Variants in CACNA2D3 observed in about 807,000 individuals in gnomAD.
CACNA2D3 encodes calcium voltage-gated channel auxiliary subunit alpha2delta 3.
A neutral mutation model predicts 160.6 loss-of-function variants in CACNA2D3; 60 were observed. The observed-to-expected ratio is 0.37, with a 90% confidence interval of 0.30 to 0.46. CACNA2D3 has a LOEUF of 0.46. CACNA2D3 is among the 20% of genes least tolerant of loss of function. The pLI, the probability that CACNA2D3 is intolerant of heterozygous loss-of-function variation, is 1.00. For synonymous variants in CACNA2D3, 558 were observed against 492.9 expected, an observed-to-expected ratio of 1.13 and a Z score of -1.75; for missense variants, 1,205 against 1,365.0, an observed-to-expected ratio of 0.88 and a Z score of 1.85.
At chr3:54,250,343 G>T (rs1702163930) in intron 2 of CACNA2D3, among the ~76,000 whole-genome samples, 1 of 152,104 alleles carries the variant, frequency 6.6e-6, no homozygotes, top group African/African-American at 2.4e-5. Flanking sequence ...TCTGTTAAAT[G>T]GCTTGATTTA....
chr3:55,007,930 C>T (rs2107142731), intron 33 of CACNA2D3, 88 bp downstream of exon 33: 2 of 816,378 alleles, frequency 2.4e-6, no homozygotes, highest in Non-Finnish European at 3.7e-6. Context: ...TGAGTCATGC[C>T]TTCAATAACC....
intron 17 of CACNA2D3, among the ~76,000 whole-genome samples, chr3:54,856,200 G>A (rs1285156046): frequency 6.6e-6 from 1 of 152,062 alleles, no homozygotes. Context: ...GTAGGAAATC[G>A]AGCACACAAT....
intron 16 of CACNA2D3, among the ~76,000 whole-genome samples, chr3:54,839,836 C>T (rs1216392924): frequency 6.6e-6 from 1 of 152,168 alleles, no homozygotes; most frequent in Non-Finnish European, 1.5e-5. Context: ...TCCAATCCCT[C>T]GTTCCCCAGC....
At chr3:54,899,575 A>G (rs530586903) in intron 26 of CACNA2D3, among the ~76,000 whole-genome samples, 53 of 152,076 alleles carry the variant, frequency 3.5e-4, no homozygotes, top group African/African-American at 1.2e-3. Context: ...TCATAACTCA[A>G]CTCGCCAATT....
At chr3:54,546,714 G>GCACA (rs757778674) in intron 5 of CACNA2D3, among the ~76,000 whole-genome samples, 4 of 31,200 alleles carry the variant, frequency 1.3e-4, no homozygotes, top group Admixed American at 3.2e-4. Flanking sequence ...ACACACGCGC[G>GCACA]CACACACACA....
chr3:54,881,935 G>A (rs932188842), intron 21 of CACNA2D3, among the ~76,000 whole-genome samples: 6 of 152,176 alleles, frequency 3.9e-5, no homozygotes, highest in Non-Finnish European at 7.3e-5. Context: ...GTCCCTGCCC[G>A]TGTTGTTTCA....
rs780406302 is a variant in CACNA2D3, at chr3:54,503,551, G to T, written c.441G>T (p.Glu147Asp). ...GGGACAAAGACGGGAATTTTTTGGA[G>T]CTGGGAAAGGAATTCATCTTAGCCC... ...NERDKDGNFL[E>D]LGKEFILAPN... Residue 147 changes from glutamate to aspartate, a missense_variant, in exon 5 of 38, where the codon GAG becomes GAT. Glu to Asp is a conservative substitution (Grantham distance 45, BLOSUM62 2). Around this residue, in one of 3 missense-constraint regions of CACNA2D3, gnomAD observed 131 missense variants for 201.5 expected, o/e 0.65. Coordinates refer to ENST00000474759, the MANE Select transcript of CACNA2D3 (RefSeq NM_018398.3). 1.9e-6 allele frequency: 3 copies of T among 1,613,804 alleles called. No homozygotes were observed. Among genetic ancestry groups the T allele is most frequent in the Middle Eastern group, 3.3e-4 (2 of 6,062 alleles).
At chr3:54,818,947 G>C (rs1215241785) in intron 14 of CACNA2D3, among the ~76,000 whole-genome samples, 1 of 152,146 alleles carries the variant, frequency 6.6e-6, no homozygotes, top group Admixed American at 6.6e-5. Context: ...ATCTAGGCTG[G>C]AGGGTAAGAG....
chr3:54,127,915 T>C (rs1372737693), intron 2 of CACNA2D3, among the ~76,000 whole-genome samples: 2 of 129,258 alleles, frequency 1.5e-5, no homozygotes, highest in Admixed American at 7.3e-5. Flanking sequence ...CTCATTTTTT[T>C]TTTCTTTTCC....
chr3:54,717,379 T>G (rs991716726), intron 11 of CACNA2D3, among the ~76,000 whole-genome samples: 11 of 152,244 alleles, frequency 7.2e-5, no homozygotes, highest in African/African-American at 2.4e-4. Context: ...ATACATGTGT[T>G]CTGCATTAAG....
At chr3:54,460,547 G>T (rs1700483486) in intron 4 of CACNA2D3, among the ~76,000 whole-genome samples, 2 of 152,206 alleles carry the variant, frequency 1.3e-5, no homozygotes, top group East Asian at 3.9e-4. Flanking sequence ...ATTGTGAATG[G>T]GAGTTCACTC....
Position 54,229,214 on chromosome 3 carries a change from C to T in CACNA2D3, c.205-91228C>T, listed in dbSNP as rs998902023. ...AATTAATTTTTTTTTTTTTTTGAGA[C>T]GGAGTCTCGCTCTGTCGCCCAGGCT... On this transcript the variant is annotated intron_variant, in intron 2 of 37. Transcript: ENST00000474759. 6.0e-5 allele frequency among the ~76,000 whole-genome samples: 9 copies of T among 149,126 alleles called. No individual in the cohort carries two copies. In the East Asian group the frequency reaches 1.8e-3, roughly 29 times the overall value.
At chr3:54,961,335 C>A (rs1021248982) in intron 27 of CACNA2D3, among the ~76,000 whole-genome samples, 1 of 152,190 alleles carries the variant, frequency 6.6e-6, no homozygotes, top group African/African-American at 2.4e-5. Flanking sequence ...TCTGGATGAG[C>A]ATTTATCTGT....
chr3:55,051,926 C>A (rs564620055), intron 35 of CACNA2D3, among the ~76,000 whole-genome samples: 10 of 152,182 alleles, frequency 6.6e-5, no homozygotes, highest in East Asian at 1.9e-4. Flanking sequence ...TGACCCCTTG[C>A]GCTTCCCAAG....
chr3:54,156,552 AT>A (rs1183911266), intron 2 of CACNA2D3, among the ~76,000 whole-genome samples: 1 of 152,188 alleles, frequency 6.6e-6, no homozygotes, highest in Non-Finnish European at 1.5e-5. Flanking sequence ...GATGGCCCCC[AT>A]TCCCTCCCGG....
intron 12 of CACNA2D3, among the ~76,000 whole-genome samples, chr3:54,758,572 T>G (rs2107082227): frequency 6.6e-6 from 1 of 152,256 alleles, no homozygotes; most frequent in Non-Finnish European, 1.5e-5. Flanking sequence ...GAAATAAGTG[T>G]TTTTTTCAGT....
chr3:54,309,609 C>G (rs1418076526), intron 2 of CACNA2D3, among the ~76,000 whole-genome samples: 1 of 152,084 alleles, frequency 6.6e-6, no homozygotes, highest in Non-Finnish European at 1.5e-5. Flanking sequence ...TCTAAAACAG[C>G]TAGTTGGGAG....
intron 11 of CACNA2D3, among the ~76,000 whole-genome samples, chr3:54,729,356 T>C (rs1007224661): frequency 1.7e-4 from 26 of 152,238 alleles, no homozygotes; most frequent in Non-Finnish European, 4.4e-5. Context: ...TTCTTTTTTG[T>C]AGTTTATCCA....
chr3:54,802,982 G>C (rs903640851), intron 13 of CACNA2D3, among the ~76,000 whole-genome samples: 7 of 152,208 alleles, frequency 4.6e-5, no homozygotes, highest in African/African-American at 1.7e-4. Context: ...AACTTCAACA[G>C]ACATGCAGCT....
Sources: allele counts gnomAD v4.1 joint callset (sites outside exome capture counted in the v4.1 genomes callset), GRCh38; gene constraint gnomAD v4.1.1; regional missense constraint gnomAD v4.1.1; transcripts MANE v1.5; gene names NCBI Gene and HGNC (gene_info 2026-07-23, HGNC 2026-07-21).